The following PSPC1 variants were observed in gnomAD, a reference collection of about 807,000 sequenced individuals.
PSPC1 encodes the protein paraspeckle protein 1.
A neutral mutation model predicts 51.6 loss-of-function variants in PSPC1; 14 were observed. The ratio of observed to expected loss-of-function variants is 0.27; its 90% CI spans 0.18 to 0.42. PSPC1 has a LOEUF of 0.42. Among genes scored for constraint, PSPC1 ranks in the 10% least tolerant of loss-of-function variants. PSPC1 has a pLI of 1.00. For synonymous variants in PSPC1, 193 were observed against 231.9 expected, an observed-to-expected ratio of 0.83 and a Z score of 1.53; for missense variants, 406 against 701.1, an observed-to-expected ratio of 0.58 and a Z score of 4.75.
chr13:19,744,840 G>T (rs1885797290), intron 4 of PSPC1, among the ~76,000 whole-genome samples: 1 of 152,182 alleles, frequency 6.6e-6, no homozygotes, highest in Non-Finnish European at 1.5e-5. Context: ...TGGGATTAAA[G>T]GCGTGAGCCA....
intron 6 of PSPC1, among the ~76,000 whole-genome samples, chr13:19,690,234 T>C (rs1272096311): frequency 2.0e-5 from 3 of 152,208 alleles, no homozygotes; most frequent in African/African-American, 7.2e-5. Flanking sequence ...CACACTGTCA[T>C]CTTAAAGTTC....
rs775161418 is a variant in PSPC1, at chr13:19,709,603, T to A, written c.1159-4A>T. 3.1e-6 allele frequency: 5 copies of A among 1,606,018 alleles called. No individual in the cohort carries two copies. The Admixed American group carries it at 8.6e-5, about 28-fold the overall frequency. ...CCATTCTCATTTCCTGTTCTCTCTG[T>A]AAGTAAACATAGTTGTCACAGTCAA... On this transcript the variant is annotated splice_polypyrimidine_tract_variant and splice_region_variant and intron_variant, in intron 6 of 8. Coordinates refer to ENST00000338910, the MANE Select transcript of PSPC1 (RefSeq NM_001354909.2).
At chr13:19,739,849 G>A (rs1170086831) in intron 5 of PSPC1, among the ~76,000 whole-genome samples, 1 of 146,986 alleles carries the variant, frequency 6.8e-6, no homozygotes, top group Admixed American at 6.9e-5. Context: ...CATTCATGAT[G>A]TTGAGAGTTG....
chr13:19,690,438 T>C (rs1878416025), intron 6 of PSPC1, among the ~76,000 whole-genome samples: 1 of 152,252 alleles, frequency 6.6e-6, no homozygotes, highest in Non-Finnish European at 1.5e-5. Context: ...GTTCTGGTTT[T>C]CTCTTCAATG....
intron 3 of PSPC1, among the ~76,000 whole-genome samples, chr13:19,752,407 A>AT (rs1166480590): frequency 6.6e-6 from 1 of 152,008 alleles, no homozygotes; most frequent in Non-Finnish European, 1.5e-5. Context: ...GAAAGTCTTC[A>AT]TTTTTTTCAT....
intron 3 of PSPC1, among the ~76,000 whole-genome samples, chr13:19,753,396 C>T (rs1481026781): frequency 1.3e-5 from 2 of 151,880 alleles, no homozygotes; most frequent in Non-Finnish European, 2.9e-5. Flanking sequence ...CCACCATGAC[C>T]AGCTAATTTT....
Position 19,765,536 on chromosome 13 carries a change from G to A in PSPC1, c.675-6118C>T, listed in dbSNP as rs138818682. Among the ~76,000 whole-genome samples, 320 of 145,414 alleles carry A rather than the reference G, an allele frequency of 2.2e-3. 1 individual carries two copies. The highest frequency in any genetic ancestry group is 6.1e-3 in the African/African-American group (237 of 38,982). On this transcript the variant is annotated intron_variant, in intron 2 of 8. Transcript: ENST00000338910. ...TTTTTTGAGAGACGGGTCTCACGACGTTGCTCAGGCTAGTCTCGAACTCCC... is the reference window on the plus strand; with the variant it reads ...TTTTTTGAGAGACGGGTCTCACGACATTGCTCAGGCTAGTCTCGAACTCCC...
intron 6 of PSPC1, among the ~76,000 whole-genome samples, chr13:19,712,810 T>C (rs1247251413): frequency 2.6e-5 from 4 of 152,166 alleles, no homozygotes; most frequent in African/African-American, 9.6e-5. Context: ...TACTGAATAC[T>C]ATTTTACACA....
At chr13:19,734,930 A>G (rs1668967502) in intron 5 of PSPC1, among the ~76,000 whole-genome samples, 1 of 150,588 alleles carries the variant, frequency 6.6e-6, no homozygotes, top group Non-Finnish European at 1.5e-5. Flanking sequence ...GTGAGCCGAG[A>G]TCACACCACT....
At chr13:19,732,027 C>G (rs1884178060) in intron 5 of PSPC1, among the ~76,000 whole-genome samples, 1 of 152,074 alleles carries the variant, frequency 6.6e-6, no homozygotes, top group Non-Finnish European at 1.5e-5. Flanking sequence ...TTCAAGATAC[C>G]TTGTTCTTGT....
At chr13:19,701,497 T>C (rs1483332864), downstream of PSPC1, among the ~76,000 whole-genome samples, 1 of 152,074 alleles carries the variant, frequency 6.6e-6, no homozygotes, top group South Asian at 2.1e-4. Flanking sequence ...AATCTCCAAA[T>C]CATGTTTTCA....
At chr13:19,756,435 A>G (rs1003029539) in intron 3 of PSPC1, among the ~76,000 whole-genome samples, 3 of 152,144 alleles carry the variant, frequency 2.0e-5, no homozygotes, top group Non-Finnish European at 4.4e-5. Flanking sequence ...GGAAGAGTCA[A>G]GCAGGTTCAC....
At chr13:19,767,126 T>C (rs2076873373) in intron 2 of PSPC1, among the ~76,000 whole-genome samples, 1 of 151,558 alleles carries the variant, frequency 6.6e-6, no homozygotes, top group African/African-American at 2.4e-5. Context: ...CTAGCCAACA[T>C]GGTGAAACCC....
At chr13:19,730,096 A>T in intron 6 of PSPC1, 143 bp downstream of exon 6, 1 of 639,444 alleles carries the variant, frequency 1.6e-6, no homozygotes, top group Non-Finnish European at 2.6e-6. Flanking sequence ...ATGAGAGGTT[A>T]AGAAAATCAC....
In PSPC1 at chr13:19,709,158, CAAAAAAA is replaced by C. The variant is rs11446310; in HGVS notation, c.1216+377_1216+383del. Among the ~76,000 whole-genome samples the C allele has an allele frequency of 2.4e-3, 204 of 83,726 alleles. 2 individuals are homozygous for C. Among genetic ancestry groups the C allele is most frequent in the African/African-American group, 8.9e-3 (183 of 20,592 alleles). 54.9% of individuals were successfully genotyped at this position (83,726 alleles called of 152,430 possible). A position where few individuals can be genotyped will look rare whatever the true frequency, so the allele number is the denominator to read the frequency against. On this transcript the variant is annotated intron_variant, in intron 7 of 8. Transcript: ENST00000338910. ...TGGGCAACAGAGTGAGGTCCTGCCTCAAAAAAAAAAAAAAAAAAAAAGCCAAATAGAA... is the reference window on the plus strand; with the variant it reads ...TGGGCAACAGAGTGAGGTCCTGCCTCAAAAAAAAAAAAAAGCCAAATAGAA...
In PSPC1 at chr13:19,759,279, C is replaced by T; in HGVS notation, c.770+44G>A. 2.1e-6 allele frequency: 3 copies of T among 1,428,488 alleles called. No homozygotes were observed. In the Middle Eastern group the frequency reaches 5.3e-4, roughly 251 times the overall value. The allele number at this position is 1,428,488 out of a possible 1,614,324, so 88.5% of individuals were successfully genotyped here. A position where few individuals can be genotyped will look rare whatever the true frequency, so the allele number is the denominator to read the frequency against. On this transcript the variant is annotated intron_variant, in intron 3 of 8. Coordinates refer to ENST00000338910, the MANE Select transcript of PSPC1 (RefSeq NM_001354909.2). ...TATTTGAAAACAAATGTAATGAACA[C>T]CCTTAATAGTACAGACACAAATTAT...
At chr13:19,739,251 G>A (rs1885166850) in intron 5 of PSPC1, among the ~76,000 whole-genome samples, 1 of 152,046 alleles carries the variant, frequency 6.6e-6, no homozygotes, top group Non-Finnish European at 1.5e-5. Context: ...AAGACAATTA[G>A]GTTAATTTCT....
At chr13:19,779,895 G>A (rs867550695) in intron 1 of PSPC1, among the ~76,000 whole-genome samples, 949 of 92,236 alleles carry the variant, frequency 0.01, 1 homozygote, top group Non-Finnish European at 0.013. Context: ...CAGCCGCCCC[G>A]TCCGGGAGGG....
chr13:19,771,282 C>T (rs904271488), intron 2 of PSPC1, among the ~76,000 whole-genome samples: 4 of 152,080 alleles, frequency 2.6e-5, no homozygotes, highest in Admixed American at 2.6e-4. Flanking sequence ...GGATTACAGG[C>T]ACGCAGCACC....
Sources: gnomAD v4.1 joint callset for allele counts (sites outside exome capture counted in the v4.1 genomes callset) on GRCh38, gnomAD v4.1.1 for gene constraint, MANE v1.5 for transcripts, NCBI Gene and HGNC (gene_info 2026-07-23, HGNC 2026-07-21) for gene names.